CPXM2: variants seen among roughly 807,000 people sequenced by gnomAD.
CPXM2 encodes the protein inactive carboxypeptidase-like protein X2.
Under a neutral mutation model 86.1 loss-of-function variants are expected in CPXM2, and 66 were observed. The observed-to-expected ratio is 0.77, with a 90% CI of 0.63 to 0.94. CPXM2 has a LOEUF of 0.94. CPXM2 is among the 40% of genes least tolerant of loss of function. The probability of loss-of-function intolerance (pLI) is 0.00; values close to 1 mark genes in which losing one functional copy is unlikely to be tolerated. For missense variants in CPXM2, 948 were observed against 1,026.3 expected (o/e 0.92, Z 1.04); for synonymous variants, 388 against 400.2 (o/e 0.97, Z 0.36).
intron 4 of CPXM2, among the ~76,000 whole-genome samples, chr10:123,822,631 G>C (rs1049305804): frequency 2.6e-5 from 4 of 151,974 alleles, no homozygotes; most frequent in Admixed American, 2.6e-4. Flanking sequence ...GGTGAGGATT[G>C]GGTGGCATTT....
chr10:123,841,594 G>A (rs537441509), intron 4 of CPXM2, among the ~76,000 whole-genome samples: 1 of 152,306 alleles, frequency 6.6e-6, no homozygotes, highest in South Asian at 2.1e-4. Context: ...TCATGGAAGT[G>A]GAATCATGCA....
chr10:123,768,797 T>C (rs1202890447), intron 8 of CPXM2, 75 bp from the exon 9 acceptor site: 2 of 1,319,124 alleles, frequency 1.5e-6, no homozygotes, highest in East Asian at 2.4e-5. Flanking sequence ...TCACATTGTG[T>C]TGGGGGGAAA....
chr10:123,771,178 A>G lies in CPXM2; in HGVS notation c.979-139T>C, dbSNP rs114393888. The G allele has an allele frequency of 2.4e-3, 1,738 of 734,246 alleles. 27 individuals carry two copies. In the African/African-American group the frequency reaches 0.028, roughly 12 times the overall value. 45.5% of individuals were successfully genotyped at this position (734,246 alleles called of 1,614,324 possible). A position where few individuals can be genotyped will look rare whatever the true frequency, so the allele number is the denominator to read the frequency against. ...CCACATTCTGCACACCCCAGCTGCT[A>G]TCGCCTCTGCCCAGAACACTCTCCT... On this transcript the variant is annotated intron_variant, in intron 7 of 13. Transcript: ENST00000241305.
chr10:123,757,983 G>C (rs1358880563), intron 11 of CPXM2, among the ~76,000 whole-genome samples: 1 of 152,258 alleles, frequency 6.6e-6, no homozygotes, highest in East Asian at 1.9e-4. Context: ...TATGTGTCTG[G>C]AAAGGGCCAG....
chr10:123,779,244 T>C (rs1846878310), intron 7 of CPXM2, among the ~76,000 whole-genome samples: 1 of 152,250 alleles, frequency 6.6e-6, no homozygotes, highest in East Asian at 1.9e-4. Flanking sequence ...CCATGCTTTC[T>C]AGCACATGCT....
At chr10:123,752,963 T>C (rs545620626) in intron 13 of CPXM2, among the ~76,000 whole-genome samples, 2 of 151,782 alleles carry the variant, frequency 1.3e-5, no homozygotes, top group African/African-American at 2.4e-5. Flanking sequence ...TCTTACGTGG[T>C]GTGTTAGAAG....
upstream of CPXM2, among the ~76,000 whole-genome samples, chr10:123,942,872 G>C (rs1158537279): frequency 6.6e-6 from 1 of 152,176 alleles, no homozygotes; most frequent in African/African-American, 2.4e-5. Flanking sequence ...CCACATATAT[G>C]ATGATGGTCC....
At chr10:123,767,313 C>T (rs988823569) in intron 9 of CPXM2, among the ~76,000 whole-genome samples, 161 bp from the exon 10 acceptor site, 34 of 152,192 alleles carry the variant, frequency 2.2e-4, no homozygotes, top group African/African-American at 8.0e-4. Context: ...TATTGAAAAA[C>T]TTCCTATTAA....
intron 13 of CPXM2, chr10:123,752,168 T>G: frequency 1.0e-6 from 1 of 985,434 alleles, no homozygotes; most frequent in Non-Finnish European, 1.2e-6. Context: ...TCATGCATAA[T>G]GATCGCCAAC....
Position 123,768,617 on chromosome 10 carries a change from C to A in CPXM2, c.1208G>T (p.Arg403Leu), listed in dbSNP as rs150240288. ...VQFVCQEYLA[R>L]NARIVHLVEE... ...CACCAGGTGGACGATGCGCGCATTC[C>A]GGGCCAAGTACTCCTGACACACGAA... Residue 403 changes from arginine to leucine, a missense_variant, in exon 9 of 14, where the codon CGG (arginine) becomes CTG (leucine). By Grantham distance (102) the Arg-to-Leu change is moderately radical (BLOSUM62 -2). Transcript: ENST00000241305. 1.9e-5 allele frequency: 31 copies of A among 1,613,830 alleles called. No individual in the cohort carries two copies. Among genetic ancestry groups the A allele is most frequent in the African/African-American group, 1.7e-4 (13 of 74,904 alleles).
chr10:123,804,397 C>A (rs2134079882), intron 4 of CPXM2, among the ~76,000 whole-genome samples: 1 of 152,204 alleles, frequency 6.6e-6, no homozygotes, highest in Non-Finnish European at 1.5e-5. Context: ...ATATGATCCT[C>A]TTTATTTAGG....
chr10:123,936,215 C>T (rs1306666371), intron 2 of CPXM2, among the ~76,000 whole-genome samples: 2 of 151,186 alleles, frequency 1.3e-5, no homozygotes, highest in East Asian at 3.9e-4. Context: ...CCCCATTTTA[C>T]AGATTAGGAA....
In CPXM2 at chr10:123,747,138, C is replaced by T. The variant is rs1452572868; in HGVS notation, c.2018-121G>A. ...GACTCTCAGGCTGGCAACGTGGAAT[C>T]CGAGCTCCTGCAGATGCAAATTCTT... On this transcript the variant is annotated intron_variant, in intron 13 of 13. Transcript: ENST00000241305. The T allele has an allele frequency of 4.2e-6, 5 of 1,199,806 alleles. No homozygotes were observed. In the African/African-American group the frequency reaches 7.6e-5, roughly 18 times the overall value. 74.3% of individuals were successfully genotyped at this position (1,199,806 alleles called of 1,614,324 possible). A position where few individuals can be genotyped will look rare whatever the true frequency, so the allele number is the denominator to read the frequency against.
intron 6 of CPXM2, 99 bp from the exon 7 acceptor site, chr10:123,780,354 A>C: frequency 1.3e-6 from 1 of 791,686 alleles, no homozygotes; most frequent in Non-Finnish European, 2.2e-6. Context: ...AGTGCAGCCC[A>C]ATCTCTAGCT....
At position 123,757,222 on chromosome 10, in the gene CPXM2, G is replaced by T; in HGVS notation, c.1908C>A (p.Phe636Leu). The T allele has an allele frequency of 1.9e-6, 3 of 1,613,958 alleles. No homozygotes were observed. The highest frequency in any genetic ancestry group is 2.5e-6 in the Non-Finnish European group (3 of 1,179,918). ...WENNRESLIVFMEQVHRGIKG... is the reference protein window; with the variant it reads ...WENNRESLIVLMEQVHRGIKG... ...CACACCCGCAATATACCTGCTCCAT[G>T]AACACGATCAGAGATTCCCGGTTAT... The change falls in exon 12 of 14, where the codon TTC becomes TTA. Residue 636 changes from phenylalanine to leucine, a missense_variant. Phe to Leu is a conservative substitution (Grantham distance 22). Coordinates refer to ENST00000241305, the MANE Select transcript of CPXM2 (RefSeq NM_198148.3).
chr10:123,852,016 C>A (rs373017712), intron 3 of CPXM2, among the ~76,000 whole-genome samples: 1 of 152,086 alleles, frequency 6.6e-6, no homozygotes, highest in Non-Finnish European at 1.5e-5. Context: ...GGCCACCAGA[C>A]GCTGGAAAGG....
At chr10:123,943,330 G>T (rs921445466), upstream of CPXM2, among the ~76,000 whole-genome samples, 2 of 152,196 alleles carry the variant, frequency 1.3e-5, no homozygotes, top group Admixed American at 6.5e-5. Context: ...AAGGACAACA[G>T]GGCAAAGCAT....
upstream of CPXM2, among the ~76,000 whole-genome samples, chr10:123,943,099 A>G (rs565173470): frequency 1.3e-5 from 2 of 152,252 alleles, no homozygotes; most frequent in African/African-American, 4.8e-5. Flanking sequence ...TGTTCACACT[A>G]TGACAAAATT....
intron 6 of CPXM2, among the ~76,000 whole-genome samples, chr10:123,786,458 G>A (rs148851443): frequency 6.6e-6 from 1 of 152,196 alleles, no homozygotes; most frequent in Non-Finnish European, 1.5e-5. Context: ...GGCAGTTCAA[G>A]CAGACACTGA....
Sources: gnomAD v4.1 joint callset for allele counts (sites outside exome capture counted in the v4.1 genomes callset) on GRCh38, gnomAD v4.1.1 for gene constraint, MANE v1.5 for transcripts, NCBI Gene and HGNC (gene_info 2026-07-23, HGNC 2026-07-21) for gene names.